The following CRPPA variants were observed in gnomAD, a reference collection of about 807,000 sequenced individuals.
CRPPA encodes the protein D-ribitol-5-phosphate cytidylyltransferase.
CRPPA carries 43 observed loss-of-function variants against 52.0 expected under a neutral mutation model. That is an observed-to-expected ratio of 0.83 (90% CI 0.65 to 1.07). The LOEUF (loss-of-function observed/expected upper bound fraction) is 1.07, where lower values mean the gene tolerates loss of function less well. Among genes scored for constraint, CRPPA ranks in the 50% least tolerant of loss-of-function variants. CRPPA has a pLI of 0.00. For synonymous variants in CRPPA, 250 were observed against 203.5 expected (o/e 1.23, Z -1.94); for missense variants, 629 against 551.7 (o/e 1.14, Z -1.40).
chr7:16,127,318 A>C (rs1527214), intron 9 of CRPPA, among the ~76,000 whole-genome samples: 3,247 of 152,204 alleles, frequency 0.021, 119 homozygotes, highest in African/African-American at 0.073. Flanking sequence ...TCACTATTGA[A>C]TGTATCCTTG....
rs557234435 is a variant in CRPPA, at chr7:16,295,920, C to T, written c.835+5501G>A. 3.1e-4 allele frequency among the ~76,000 whole-genome samples: 47 copies of T among 152,122 alleles called. No homozygotes were observed. In the South Asian group the frequency reaches 7.1e-3, roughly 23 times the overall value. The stretch of plus-strand genomic sequence containing the variant: ...GTTGTACCAATTAATCATACTACTC[C>T]GTAGAAAATTGTTTTAAATTTCACT... On this transcript the variant is annotated intron_variant, in intron 5 of 9. Coordinates refer to ENST00000407010, the MANE Select transcript of CRPPA (RefSeq NM_001101426.4).
At chr7:16,396,784 C>T (rs17169450) in intron 2 of CRPPA, among the ~76,000 whole-genome samples, 14,934 of 152,158 alleles carry the variant, frequency 0.098, 882 homozygotes, top group East Asian at 0.25. Context: ...TGAAGGAAGA[C>T]GTGATATGTG....
At chr7:16,357,125 T>G (rs1415478762) in intron 3 of CRPPA, among the ~76,000 whole-genome samples, 2 of 152,122 alleles carry the variant, frequency 1.3e-5, no homozygotes, top group African/African-American at 4.8e-5. Context: ...TCGCCCCCTG[T>G]GTACACAGTT....
rs558511660 is a variant in CRPPA at position 16,299,220 on chromosome 7, C to A, written c.835+2201G>T. ...TTTTTAATCCAAGAGTTCTCTCTTT[C>A]CTATGCCCAGAGAGGCATTTCTACT... On this transcript the variant is annotated intron_variant, in intron 5 of 9. Transcript: ENST00000407010. Among the ~76,000 whole-genome samples the A allele has an allele frequency of 2.6e-5, 4 of 152,184 alleles. No homozygotes were observed. In the South Asian group the frequency reaches 8.3e-4, roughly 32 times the overall value.
intron 2 of CRPPA, among the ~76,000 whole-genome samples, chr7:16,397,702 T>C (rs777949342): frequency 5.3e-5 from 8 of 152,096 alleles, no homozygotes; most frequent in Non-Finnish European, 7.4e-5. Context: ...ACGTGATACA[T>C]GATTGACATG....
intron 3 of CRPPA, among the ~76,000 whole-genome samples, chr7:16,358,633 TGAA>T (rs1287212643): frequency 6.6e-6 from 1 of 152,194 alleles, no homozygotes; most frequent in Non-Finnish European, 1.5e-5. Context: ...ACACAGAATC[TGAA>T]GAATACTATA....
At position 16,239,997 on chromosome 7, in the gene CRPPA, G is replaced by A. The variant is rs76115993; in HGVS notation, c.1119+18393C>T. ...TGAATACTAGCGAGGTATGCCCTATGAGAATCATTTCTTTACACATCAGTT... is the reference window on the plus strand; with the variant it reads ...TGAATACTAGCGAGGTATGCCCTATAAGAATCATTTCTTTACACATCAGTT... On this transcript the variant is annotated intron_variant, in intron 8 of 9. Transcript: ENST00000407010. Among the ~76,000 whole-genome samples the A allele has an allele frequency of 2.9e-3, 435 of 152,010 alleles. 2 individuals are homozygous for A. Among genetic ancestry groups the A allele is most frequent in the East Asian group, 0.024 (125 of 5,186 alleles).
intron 3 of CRPPA, among the ~76,000 whole-genome samples, chr7:16,359,881 T>A (rs1484233746): frequency 6.6e-6 from 1 of 152,156 alleles, no homozygotes; most frequent in East Asian, 1.9e-4. Flanking sequence ...GACTAAAGCC[T>A]TTTTACCCCA....
chr7:16,166,668 G>T (rs918108700), intron 9 of CRPPA, among the ~76,000 whole-genome samples: 19 of 152,034 alleles, frequency 1.2e-4, no homozygotes, highest in African/African-American at 4.6e-4. Context: ...TGTCCTACTC[G>T]AGAGTCTCCA....
intron 3 of CRPPA, among the ~76,000 whole-genome samples, chr7:16,343,650 C>T (rs574396830): frequency 9.2e-5 from 14 of 152,090 alleles, no homozygotes; most frequent in East Asian, 7.7e-4. Context: ...ACAGTTGAGG[C>T]GCACAAGAAG....
chr7:16,375,014 T>A (rs913434588), intron 3 of CRPPA, among the ~76,000 whole-genome samples: 6 of 152,220 alleles, frequency 3.9e-5, no homozygotes, highest in African/African-American at 1.4e-4. Flanking sequence ...CAGTCCTCAC[T>A]TTTTAGAAAT....
At chr7:16,218,819 T>G (rs552393731) in intron 8 of CRPPA, among the ~76,000 whole-genome samples, 19 of 145,074 alleles carry the variant, frequency 1.3e-4, no homozygotes, top group Middle Eastern at 3.5e-3. Flanking sequence ...ACAAAGAGAC[T>G]TAGACTCCCA....
intron 8 of CRPPA, chr7:16,216,560 G>A (rs868471465): frequency 4.6e-6 from 1 of 215,894 alleles, no homozygotes; most frequent in East Asian, 1.5e-4. Flanking sequence ...GCGCCAGACA[G>A]TGGGCGCAGG....
At chr7:16,231,309 T>C (rs1310397421) in intron 8 of CRPPA, among the ~76,000 whole-genome samples, 1 of 152,156 alleles carries the variant, frequency 6.6e-6, no homozygotes, top group Admixed American at 6.6e-5. Context: ...TGAACGTATT[T>C]TCACATGTGG....
chr7:16,265,846 T>C (rs1238620537), intron 6 of CRPPA, among the ~76,000 whole-genome samples: 3 of 152,204 alleles, frequency 2.0e-5, no homozygotes, highest in African/African-American at 7.2e-5. Flanking sequence ...CCTCATGTTA[T>C]AGATAATGCA....
At chr7:16,286,062 T>TTTAAAAAAAAAAAA (rs1562608492) in intron 5 of CRPPA, among the ~76,000 whole-genome samples, 30 of 32,356 alleles carry the variant, frequency 9.3e-4, no homozygotes, top group Non-Finnish European at 1.5e-3. Flanking sequence ...TATATATATA[T>TTTAAAAAAAAAAAA]ATATATATAT....
intron 3 of CRPPA, among the ~76,000 whole-genome samples, chr7:16,368,842 T>G (rs544768601): frequency 2.0e-5 from 3 of 152,188 alleles, no homozygotes; most frequent in Non-Finnish European, 2.9e-5. Flanking sequence ...TCCAATAATT[T>G]TTCAGATGAA....
chr7:16,091,663 T>G lies in CRPPA; in HGVS notation c.*32A>C. On this transcript the variant is annotated 3_prime_UTR_variant, in exon 10 of 10. Transcript: ENST00000407010. ...AGCACAATTAAGATACGCAAATAGA[T>G]GTTTTAGAAAATAGGTAATTTTTTG... 8.2e-7 allele frequency: 1 copy of G among 1,213,366 alleles called. No individual in the cohort carries two copies. The highest frequency in any genetic ancestry group is 1.2e-6 in the Non-Finnish European group (1 of 844,308). The allele number at this position is 1,213,366 out of a possible 1,614,324, so 75.2% of individuals were successfully genotyped here.
At chr7:16,244,964 T>C (rs1303805702) in intron 8 of CRPPA, among the ~76,000 whole-genome samples, 1 of 152,172 alleles carries the variant, frequency 6.6e-6, no homozygotes, top group Non-Finnish European at 1.5e-5. Flanking sequence ...GAATAAAACC[T>C]ACTTGTTTAG....
Sources: gnomAD v4.1 joint callset for allele counts (sites outside exome capture counted in the v4.1 genomes callset) on GRCh38, gnomAD v4.1.1 for gene constraint, MANE v1.5 for transcripts, NCBI Gene and HGNC (gene_info 2026-07-23, HGNC 2026-07-21) for gene names.